GALNT13: variants seen among roughly 807,000 people sequenced by gnomAD.
GALNT13 encodes UDP-GalNAc:polypeptide N-acetylgalactosaminyltransferase 13.
A neutral mutation model predicts 64.2 loss-of-function variants in GALNT13; 28 were observed. The ratio of observed to expected loss-of-function variants is 0.44; its 90% CI spans 0.32 to 0.60. GALNT13 has a LOEUF of 0.60. Ranked by LOEUF, GALNT13 falls within the 20% of genes least tolerant of loss-of-function variation. The pLI is 0.05. For missense variants in GALNT13, 577 were observed against 669.8 expected (o/e 0.86, Z 1.53); for synonymous variants, 214 against 224.6 (o/e 0.95, Z 0.42).
chr2:153,725,909 T>G, the GALNT13 span, among the ~76,000 whole-genome samples: 25 of 151,090 alleles, frequency 1.7e-4, no homozygotes, highest in South Asian at 8.4e-4. Flanking sequence ...TTATCTTAAT[T>G]AGTATAATAA....
At chr2:154,000,718 A>G (rs908005020) in intron 3 of GALNT13, among the ~76,000 whole-genome samples, 6 of 152,012 alleles carry the variant, frequency 3.9e-5, no homozygotes, top group South Asian at 2.1e-4. Context: ...AGTATGGTCT[A>G]TACTGGAGAA....
At chr2:153,469,020 G>T in the GALNT13 span, among the ~76,000 whole-genome samples, 2 of 152,112 alleles carry the variant, frequency 1.3e-5, no homozygotes, top group East Asian at 3.9e-4. Context: ...ATCATGTCTA[G>T]AGGAGAATGG....
chr2:154,322,983 G>A (rs1022493408), intron 9 of GALNT13, among the ~76,000 whole-genome samples: 5 of 151,884 alleles, frequency 3.3e-5, no homozygotes, highest in Admixed American at 2.6e-4. Context: ...TAGTAATCTC[G>A]GGGTACTCAG....
the GALNT13 span, among the ~76,000 whole-genome samples, chr2:153,728,480 A>G: frequency 6.6e-6 from 1 of 152,186 alleles, no homozygotes; most frequent in African/African-American, 2.4e-5. Flanking sequence ...GAATCTCTGG[A>G]ACACAGCAAA....
chr2:153,262,769 C>G, the GALNT13 span, among the ~76,000 whole-genome samples: 1 of 152,028 alleles, frequency 6.6e-6, no homozygotes, highest in East Asian at 1.9e-4. Flanking sequence ...GTTAAAAACT[C>G]TCAATAAACT....
At chr2:154,176,050 C>A (rs1685628259) in intron 4 of GALNT13, among the ~76,000 whole-genome samples, 1 of 151,958 alleles carries the variant, frequency 6.6e-6, no homozygotes, top group Admixed American at 6.6e-5. Context: ...TTAATGATTT[C>A]TCTGAGAGGC....
At chr2:154,220,444 G>A (rs998641395) in intron 4 of GALNT13, among the ~76,000 whole-genome samples, 1 of 151,962 alleles carries the variant, frequency 6.6e-6, no homozygotes, top group Non-Finnish European at 1.5e-5. Context: ...TTCATTCTCA[G>A]CAATTCTAAA....
At chr2:153,866,184 A>C in the GALNT13 span, among the ~76,000 whole-genome samples, 2 of 116,496 alleles carry the variant, frequency 1.7e-5, no homozygotes, top group Non-Finnish European at 3.5e-5. Flanking sequence ...GGGGGGAGGG[A>C]TAGCATTGGG....
chr2:153,595,076 T>G, the GALNT13 span, among the ~76,000 whole-genome samples: 1 of 151,978 alleles, frequency 6.6e-6, no homozygotes, highest in African/African-American at 2.4e-5. Flanking sequence ...AGACAAAATA[T>G]AAAATGTTAA....
the GALNT13 span, among the ~76,000 whole-genome samples, chr2:153,857,985 C>T: frequency 6.6e-6 from 1 of 152,054 alleles, no homozygotes; most frequent in Non-Finnish European, 1.5e-5. Context: ...TAATTTAAAA[C>T]TGCCTCTATA....
the GALNT13 span, among the ~76,000 whole-genome samples, chr2:153,496,796 G>A: frequency 1.3e-5 from 2 of 151,702 alleles, no homozygotes; most frequent in African/African-American, 2.4e-5. Flanking sequence ...GACCAGCCTG[G>A]CCAACATAGT....
chr2:153,778,632 C>T, the GALNT13 span, among the ~76,000 whole-genome samples: 15 of 152,162 alleles, frequency 9.9e-5, no homozygotes, highest in Admixed American at 9.2e-4. Context: ...TAATGGAAGA[C>T]ACTTAATACA....
the GALNT13 span, among the ~76,000 whole-genome samples, chr2:153,726,663 C>T: frequency 1.6e-4 from 25 of 152,052 alleles, no homozygotes; most frequent in East Asian, 7.8e-4. Context: ...CACGTATGGC[C>T]GGGTGCGGTG....
At chr2:153,590,266 A>G in the GALNT13 span, among the ~76,000 whole-genome samples, 3 of 152,150 alleles carry the variant, frequency 2.0e-5, no homozygotes, top group Non-Finnish European at 2.9e-5. Flanking sequence ...GGGAACATAC[A>G]ACCTCTCAAG....
At chr2:154,386,345 GGTAA>G (rs1430406898) in intron 9 of GALNT13, among the ~76,000 whole-genome samples, 1 of 152,014 alleles carries the variant, frequency 6.6e-6, no homozygotes, top group African/African-American at 2.4e-5. Context: ...GGAAGCAGGT[GGTAA>G]GTAAGGCAAT....
chr2:153,461,959 A>G, the GALNT13 span, among the ~76,000 whole-genome samples: 2 of 152,124 alleles, frequency 1.3e-5, no homozygotes. Context: ...GAAAAATAAA[A>G]TTACAGTATT....
At chr2:153,107,297 C>T in the GALNT13 span, among the ~76,000 whole-genome samples, 11 of 152,076 alleles carry the variant, frequency 7.2e-5, no homozygotes, top group Admixed American at 3.9e-4. Context: ...ATTGTGGTCC[C>T]ATCCAGATCT....
the GALNT13 span, among the ~76,000 whole-genome samples, chr2:153,636,464 A>C: frequency 2.6e-5 from 4 of 152,258 alleles, no homozygotes; most frequent in East Asian, 5.8e-4. Context: ...TAATAGGCAG[A>C]ATTTCCTTTT....
At chr2:153,087,978 A>G in the GALNT13 span, among the ~76,000 whole-genome samples, 4 of 151,340 alleles carry the variant, frequency 2.6e-5, no homozygotes, top group African/African-American at 9.7e-5. Context: ...TTCTGCTTTG[A>G]TATTTGTTAT....
Sources: allele counts gnomAD v4.1 joint callset (sites outside exome capture counted in the v4.1 genomes callset), GRCh38; gene constraint gnomAD v4.1.1; transcripts MANE v1.5; gene names NCBI Gene and HGNC (gene_info 2026-07-23, HGNC 2026-07-21).